Variants in NDE1 observed in about 807,000 individuals in gnomAD.
The protein encoded by NDE1 is nudE neurodevelopment protein 1, also known as nuclear distribution protein nudE homolog 1.
NDE1 carries 28 observed loss-of-function variants against 43.4 expected under a neutral mutation model. That is an observed-to-expected ratio of 0.65 (90% CI 0.48 to 0.89). The LOEUF is 0.89. Ranked by LOEUF, NDE1 falls within the 40% of genes least tolerant of loss-of-function variation. The pLI, the probability that NDE1 is intolerant of heterozygous loss-of-function variation, is 0.00. For missense variants in NDE1, 441 were observed against 434.1 expected, an observed-to-expected ratio of 1.02 and a Z score of -0.14; for synonymous variants, 184 against 172.0, an observed-to-expected ratio of 1.07 and a Z score of -0.55.
intron 4 of NDE1, among the ~76,000 whole-genome samples, chr16:15,679,697 C>T (rs961790629): frequency 6.6e-6 from 1 of 152,192 alleles, no homozygotes; most frequent in African/African-American, 2.4e-5. Flanking sequence ...ATACTCCACG[C>T]ATTCAATAAC....
intron 2 of NDE1, among the ~76,000 whole-genome samples, chr16:15,665,155 T>G (rs143437211): frequency 6.6e-6 from 1 of 151,946 alleles, no homozygotes; most frequent in African/African-American, 2.4e-5. Flanking sequence ...TCCCACAGTG[T>G]TGGGACTACA....
chr16:15,692,888 C>T (rs2038821862), intron 6 of NDE1, among the ~76,000 whole-genome samples: 1 of 152,134 alleles, frequency 6.6e-6, no homozygotes, highest in African/African-American at 2.4e-5. Flanking sequence ...AGGCATGCAA[C>T]TCCATGCCTG....
intron 1 of NDE1, 148 bp from the exon 2 acceptor site, chr16:15,664,588 C>G (rs1167367670): frequency 6.8e-6 from 4 of 589,040 alleles, no homozygotes; most frequent in Non-Finnish European, 1.2e-5. Flanking sequence ...ATCTCCTGAC[C>G]TCGTGATCCG....
chr16:15,694,663 T>C, intron 7 of NDE1: 1 of 985,304 alleles, frequency 1.0e-6, no homozygotes, highest in Non-Finnish European at 1.2e-6. Context: ...CATAGCAGTG[T>C]GGTGAGTTTT....
intron 8 of NDE1, chr16:15,717,969 G>A (rs2040254075): frequency 2.5e-6 from 1 of 397,810 alleles, no homozygotes; most frequent in Non-Finnish European, 4.8e-6. Flanking sequence ...AGTGCTCAGT[G>A]ACATCACCAA....
intron 3 of NDE1, among the ~76,000 whole-genome samples, chr16:15,676,356 T>G (rs1026044823): frequency 6.6e-6 from 1 of 150,882 alleles, no homozygotes; most frequent in African/African-American, 2.4e-5. Flanking sequence ...ATTATAGGCA[T>G]GCACCACCAC....
In NDE1 at chr16:15,664,090, T is replaced by C. The variant is rs564218464; in HGVS notation, c.-43-646T>C. Among the ~76,000 whole-genome samples the C allele has an allele frequency of 2.6e-5, 4 of 152,046 alleles. No individual in the cohort carries two copies. In the East Asian group the frequency reaches 7.8e-4, roughly 29 times the overall value. On this transcript the variant is annotated intron_variant, in intron 1 of 8. Coordinates refer to ENST00000396354, the MANE Select transcript of NDE1 (RefSeq NM_017668.3). ...TCTCAAATAATAATTATAATTATTATTTTATGCGTAATTTCCATTCCAGCC... is the reference window on the plus strand; with the variant it reads ...TCTCAAATAATAATTATAATTATTACTTTATGCGTAATTTCCATTCCAGCC...
intron 3 of NDE1, among the ~76,000 whole-genome samples, chr16:15,671,670 T>C (rs1187891447): frequency 6.6e-6 from 1 of 152,076 alleles, no homozygotes; most frequent in African/African-American, 2.4e-5. Flanking sequence ...CAATGAGCAA[T>C]GATTATCGTT....
At chr16:15,674,872 AATTTTT>A (rs1420983738) in intron 3 of NDE1, among the ~76,000 whole-genome samples, 1 of 151,974 alleles carries the variant, frequency 6.6e-6, no homozygotes, top group African/African-American at 2.4e-5. Flanking sequence ...ATGCCCTGCT[AATTTTT>A]ATTTTTTGTA....
intron 5 of NDE1, among the ~76,000 whole-genome samples, chr16:15,690,718 G>T (rs2038707153): frequency 6.6e-6 from 1 of 152,048 alleles, no homozygotes; most frequent in South Asian, 2.1e-4. Context: ...TCTACCTGGA[G>T]TGTTTCACCC....
chr16:15,720,644 C>T (rs1055763423), intron 8 of NDE1, among the ~76,000 whole-genome samples: 1 of 151,780 alleles, frequency 6.6e-6, no homozygotes, highest in Non-Finnish European at 1.5e-5. Flanking sequence ...CCAAGCTACT[C>T]GGGAGGCTGA....
chr16:15,666,152 A>G (rs1037623641), intron 2 of NDE1, among the ~76,000 whole-genome samples: 34 of 151,684 alleles, frequency 2.2e-4, no homozygotes, highest in Admixed American at 2.0e-3. Flanking sequence ...TATGCCTAGC[A>G]AAATATATTG....
intron 8 of NDE1, among the ~76,000 whole-genome samples, chr16:15,704,905 C>G (rs538289369): frequency 3.6e-4 from 55 of 152,308 alleles, no homozygotes; most frequent in African/African-American, 1.3e-3. Flanking sequence ...TCTGGAACTC[C>G]TGAGCTCAAG....
chr16:15,667,639 T>TG (rs1451163888), intron 3 of NDE1, among the ~76,000 whole-genome samples, 200 bp downstream of exon 3: 1 of 147,826 alleles, frequency 6.8e-6, no homozygotes, highest in Non-Finnish European at 1.5e-5. Context: ...TTTGTTTTTT[T>TG]TTTTTTTTTG....
intron 4 of NDE1, among the ~76,000 whole-genome samples, chr16:15,681,615 G>GGAC (rs772685244): frequency 4.9e-4 from 75 of 152,162 alleles, no homozygotes; most frequent in Non-Finnish European, 8.7e-4. Context: ...TGATTTCTAG[G>GGAC]AGATTTTTAT....
At chr16:15,710,277 C>T (rs1013626524) in intron 8 of NDE1, among the ~76,000 whole-genome samples, 2 of 152,122 alleles carry the variant, frequency 1.3e-5, no homozygotes, top group Admixed American at 6.6e-5. Context: ...AACCCCAGCA[C>T]TTTGGGAGAC....
intron 8 of NDE1, among the ~76,000 whole-genome samples, chr16:15,722,417 ACAGAG>A (rs1310943483): frequency 6.6e-6 from 1 of 152,226 alleles, no homozygotes; most frequent in African/African-American, 2.4e-5. Context: ...TTCAGAGAGA[ACAGAG>A]CAGATTATAA....
intron 8 of NDE1, among the ~76,000 whole-genome samples, chr16:15,712,383 T>C (rs1033419165): frequency 1.3e-5 from 2 of 152,050 alleles, no homozygotes; most frequent in African/African-American, 4.8e-5. Context: ...CGTGCAGTGG[T>C]CCATGCCTGT....
intron 2 of NDE1, 62 bp downstream of exon 2, chr16:15,664,923 T>C: frequency 1.5e-6 from 2 of 1,317,780 alleles, no homozygotes; most frequent in Middle Eastern, 2.5e-4. Context: ...TCCTGCTATG[T>C]TACCTAGGCT....
Sources: allele counts gnomAD v4.1 joint callset (sites outside exome capture counted in the v4.1 genomes callset), GRCh38; gene constraint gnomAD v4.1.1; transcripts MANE v1.5; gene names NCBI Gene and HGNC (gene_info 2026-07-23, HGNC 2026-07-21).